NRXN1: variants seen among roughly 807,000 people sequenced by gnomAD.
NRXN1 encodes the protein neurexin-1.
NRXN1 carries 39 observed loss-of-function variants against 150.9 expected under a neutral mutation model. That is an observed-to-expected ratio of 0.26 (90% CI 0.20 to 0.34). The LOEUF (loss-of-function observed/expected upper bound fraction) is 0.34. Among genes scored for constraint, NRXN1 ranks in the 10% least tolerant of loss-of-function variants. The probability of loss-of-function intolerance (pLI) is 1.00; values close to 1 mark genes in which losing one functional copy is unlikely to be tolerated. For synonymous variants in NRXN1, 924 were observed against 757.0 expected (o/e 1.22, Z -3.62); for missense variants, 1,815 against 1,949.9 (o/e 0.93, Z 1.30).
chr2:50,326,214 T>C (rs1030044877), intron 17 of NRXN1, among the ~76,000 whole-genome samples: 1 of 152,174 alleles, frequency 6.6e-6, no homozygotes, highest in Non-Finnish European at 1.5e-5. Flanking sequence ...GTACATGTGC[T>C]GAAAGATGAA....
chr2:50,300,315 CTTG>C (rs908227277), intron 17 of NRXN1, among the ~76,000 whole-genome samples: 7 of 152,168 alleles, frequency 4.6e-5, no homozygotes, highest in Non-Finnish European at 8.8e-5. Context: ...TTGAGTTATA[CTTG>C]TTGTCACAGA....
intron 12 of NRXN1, among the ~76,000 whole-genome samples, chr2:50,512,692 G>C (rs1043947236): frequency 6.6e-6 from 1 of 152,116 alleles, no homozygotes; most frequent in African/African-American, 2.4e-5. Context: ...TTACCTAATT[G>C]TCTGGCCAAA....
At chr2:50,360,408 A>G (rs556516813) in intron 17 of NRXN1, among the ~76,000 whole-genome samples, 1 of 152,304 alleles carries the variant, frequency 6.6e-6, no homozygotes, top group Non-Finnish European at 1.5e-5. Context: ...AAAATGATGG[A>G]GGAAGATTTA....
At position 50,838,690 on chromosome 2, in the gene NRXN1, A is replaced by G. The variant is rs142882905; in HGVS notation, c.832+83179T>C. Reference sequence around the variant, plus strand: ...CGGGAGAAGCTGGCTGTATGACTAGAGTGACGCATCTGCAAGTGAAAGAAC... The same window carrying G: ...CGGGAGAAGCTGGCTGTATGACTAGGGTGACGCATCTGCAAGTGAAAGAAC... On this transcript the variant is annotated intron_variant, in intron 5 of 22. Transcript: ENST00000401669. Among the ~76,000 whole-genome samples, 493 of 152,222 alleles carry G rather than the reference A, an allele frequency of 3.2e-3. 2 individuals are homozygous for G. Among genetic ancestry groups the G allele is most frequent in the African/African-American group, 0.01 (429 of 41,558 alleles).
chr2:50,178,520 C>T (rs892452574), intron 18 of NRXN1, among the ~76,000 whole-genome samples: 2 of 152,000 alleles, frequency 1.3e-5, no homozygotes, highest in Non-Finnish European at 2.9e-5. Flanking sequence ...AGGTTGGAAA[C>T]AATATTCTAT....
At chr2:50,288,088 A>T (rs890396418) in intron 17 of NRXN1, among the ~76,000 whole-genome samples, 4 of 152,164 alleles carry the variant, frequency 2.6e-5, no homozygotes, top group African/African-American at 9.7e-5. Flanking sequence ...AAACTCAAAT[A>T]AATTTTTCTC....
chr2:50,495,381 GT>G (rs2091522849), intron 15 of NRXN1, among the ~76,000 whole-genome samples: 2 of 8,956 alleles, frequency 2.2e-4, no homozygotes, highest in Non-Finnish European at 5.2e-4. Context: ...TGTGTGTGTG[GT>G]GTGTGTGTGT....
chr2:50,406,028 G>A (rs2082727729), intron 17 of NRXN1, among the ~76,000 whole-genome samples: 1 of 152,064 alleles, frequency 6.6e-6, no homozygotes, highest in African/African-American at 2.4e-5. Flanking sequence ...GATAAATAGT[G>A]AAATCAAGAT....
At chr2:50,291,817 G>C (rs1392285132) in intron 17 of NRXN1, among the ~76,000 whole-genome samples, 3 of 152,052 alleles carry the variant, frequency 2.0e-5, no homozygotes, top group Non-Finnish European at 2.9e-5. Flanking sequence ...TAAACAAAGG[G>C]GCCTGCAAAG....
chr2:50,981,755 T>C (rs996515991), intron 2 of NRXN1, among the ~76,000 whole-genome samples: 3 of 151,962 alleles, frequency 2.0e-5, no homozygotes, highest in Non-Finnish European at 4.4e-5. Flanking sequence ...CAGCTGAGTA[T>C]GGATTTCCTC....
At chr2:50,922,794 G>C (rs1686251721) in intron 3 of NRXN1, 107 bp from the exon 4 acceptor site, 1 of 1,100,620 alleles carries the variant, frequency 9.1e-7, no homozygotes, top group Admixed American at 2.0e-5. Flanking sequence ...TTTCCTATGA[G>C]ACATGTCTGT....
intron 5 of NRXN1, among the ~76,000 whole-genome samples, chr2:50,780,487 T>C (rs971709245): frequency 3.3e-5 from 5 of 152,166 alleles, no homozygotes; most frequent in Non-Finnish European, 7.3e-5. Flanking sequence ...TATTTTCTTG[T>C]ATAAACAATA....
intron 2 of NRXN1, among the ~76,000 whole-genome samples, chr2:50,971,363 T>A (rs760256763): frequency 1.3e-5 from 2 of 152,032 alleles, no homozygotes; most frequent in African/African-American, 2.4e-5. Context: ...AGTGGGCGGA[T>A]CACAAGGTCA....
intron 18 of NRXN1, among the ~76,000 whole-genome samples, chr2:50,092,830 G>T (rs1573867009): frequency 6.6e-6 from 1 of 152,068 alleles, no homozygotes; most frequent in Non-Finnish European, 1.5e-5. Context: ...TGTACATAAA[G>T]ATCTCTTTCT....
intron 21 of NRXN1, among the ~76,000 whole-genome samples, chr2:50,003,289 C>T (rs953894594): frequency 6.6e-6 from 1 of 152,100 alleles, no homozygotes; most frequent in Non-Finnish European, 1.5e-5. Flanking sequence ...GAGCTAGTTA[C>T]TTTCAGCTGT....
chr2:50,611,245 A>C (rs1678066684), intron 8 of NRXN1, among the ~76,000 whole-genome samples: 1 of 152,066 alleles, frequency 6.6e-6, no homozygotes, highest in African/African-American at 2.4e-5. Flanking sequence ...AAGTCCTCAG[A>C]ATTAAAATGT....
chr2:50,468,878 T>C (rs1426008213), intron 16 of NRXN1, among the ~76,000 whole-genome samples: 1 of 151,634 alleles, frequency 6.6e-6, no homozygotes, highest in Non-Finnish European at 1.5e-5. Flanking sequence ...CAATGATAGC[T>C]GTCACGATTA....
At chr2:50,881,120 C>A (rs1679361070) in intron 5 of NRXN1, among the ~76,000 whole-genome samples, 1 of 151,924 alleles carries the variant, frequency 6.6e-6, no homozygotes, top group Admixed American at 6.6e-5. Context: ...TGAGACAAAG[C>A]AAACAGAAAA....
intron 18 of NRXN1, among the ~76,000 whole-genome samples, chr2:50,236,317 TCC>T (rs2065412679): frequency 6.6e-6 from 1 of 151,996 alleles, no homozygotes; most frequent in Non-Finnish European, 1.5e-5. Context: ...TCCCCAAGTA[TCC>T]TTAAAGTATA....
Sources: gnomAD v4.1 joint callset for allele counts (sites outside exome capture counted in the v4.1 genomes callset) on GRCh38, gnomAD v4.1.1 for gene constraint, MANE v1.5 for transcripts, NCBI Gene and HGNC (gene_info 2026-07-23, HGNC 2026-07-21) for gene names.